EXD3: variants seen among roughly 807,000 people sequenced by gnomAD.
The protein encoded by EXD3 is exonuclease mut-7 homolog.
Under a neutral mutation model 98.0 loss-of-function variants are expected in EXD3, and 92 were observed. That is an observed-to-expected ratio of 0.94 (90% CI 0.79 to 1.12). The LOEUF is 1.12. Ranked by LOEUF, EXD3 falls within the 50% of genes most tolerant of loss-of-function variation. The pLI is 0.00. For synonymous variants in EXD3, 569 were observed against 526.0 expected (o/e 1.08, Z -1.12); for missense variants, 1,222 against 1,191.6 (o/e 1.03, Z -0.38).
At chr9:137,308,881 G>C (rs983122806) in intron 20 of EXD3, among the ~76,000 whole-genome samples, 3 of 152,110 alleles carry the variant, frequency 2.0e-5, no homozygotes, top group Non-Finnish European at 4.4e-5. Context: ...TCCTGATCTT[G>C]TGATCTGCCC....
rs931839451 is a variant in EXD3 at position 137,405,213 on chromosome 9, G to A, written c.-47-9809C>T. Reference sequence around the variant, plus strand: ...TCCCACCCTTGGACCTCCTAACTGCGCTGGGGTCCGGCACAGTGGGCTCTG... The same window carrying A: ...TCCCACCCTTGGACCTCCTAACTGCACTGGGGTCCGGCACAGTGGGCTCTG... On this transcript the variant is annotated intron_variant, in intron 1 of 21. Coordinates refer to ENST00000340951, the MANE Select transcript of EXD3 (RefSeq NM_017820.5). This position sits in a 1 kb window ranked among gnomAD's most constrained non-coding sequence, Gnocchi z 4.1. Among the ~76,000 whole-genome samples the A allele has an allele frequency of 2.0e-5, 3 of 152,216 alleles. No individual in the cohort carries two copies. The highest frequency in any genetic ancestry group is 4.8e-5 in the African/African-American group (2 of 41,448).
intron 17 of EXD3, among the ~76,000 whole-genome samples, chr9:137,341,007 C>T (rs143014210): frequency 2.2e-4 from 33 of 152,308 alleles, no homozygotes; most frequent in African/African-American, 7.2e-4. Context: ...ATTAAGACAT[C>T]GTGGCATCAC....
At chr9:137,338,754 G>A (rs1019721966) in intron 17 of EXD3, among the ~76,000 whole-genome samples, 81 of 151,090 alleles carry the variant, frequency 5.4e-4, no homozygotes, top group African/African-American at 2.0e-3. Flanking sequence ...AAAGCTGGGA[G>A]TGGTGGCGGG....
At chr9:137,353,410 T>A (rs1014744235) in intron 10 of EXD3, 71 of 985,174 alleles carry the variant, frequency 7.2e-5, no homozygotes, top group Non-Finnish European at 8.0e-5. Flanking sequence ...CTCCTCCTCT[T>A]GCCAGGGGAG....
rs1835603117 is a variant in EXD3, at chr9:137,371,523, C to G, written c.462+1382G>C. ...ACCCAGGGTGCCATCGGGACGGCGT[C>G]TCAGCAGCAGGGTCCCACGTGGGCA... is the stretch of plus-strand genomic sequence containing the variant. On this transcript the variant is annotated intron_variant, in intron 5 of 21. Coordinates refer to ENST00000340951, the MANE Select transcript of EXD3 (RefSeq NM_017820.5). The surrounding 1 kb of genome is among the most constrained non-coding windows in gnomAD (Gnocchi z 8.0). Among the ~76,000 whole-genome samples, 5 of 152,118 alleles carry G rather than the reference C, an allele frequency of 3.3e-5. No homozygotes were observed.
chr9:137,422,401 C>G lies in EXD3; in HGVS notation c.-48+713G>C, dbSNP rs535265622. On this transcript the variant is annotated intron_variant, in intron 1 of 21. Transcript: ENST00000340951. ...ATGAAACCGCAGCCCCTCACTACCC[C>G]TCGAGCCAAGTAACTATCCACTGAT... Among the ~76,000 whole-genome samples, 3 of 152,246 alleles carry G rather than the reference C, an allele frequency of 2.0e-5. No individual in the cohort carries two copies. The South Asian group carries it at 6.2e-4, about 32-fold the overall frequency.
chr9:137,334,891 C>G (rs1225389548), intron 17 of EXD3, among the ~76,000 whole-genome samples: 1 of 151,990 alleles, frequency 6.6e-6, no homozygotes, highest in African/African-American at 2.4e-5. Flanking sequence ...TCCTGGCTAA[C>G]ACAGTGAAAC....
At chr9:137,411,174 C>A (rs745627583) in intron 1 of EXD3, among the ~76,000 whole-genome samples, 3 of 152,024 alleles carry the variant, frequency 2.0e-5, no homozygotes, top group Non-Finnish European at 4.4e-5. Flanking sequence ...CAGGCCTGGC[C>A]GTGAGATGGA....
At chr9:137,356,438 T>C (rs754571642) in intron 7 of EXD3, 70 bp from the exon 8 acceptor site, 59 of 1,060,240 alleles carry the variant, frequency 5.6e-5, no homozygotes, top group Non-Finnish European at 6.6e-5. Context: ...TTCATTTTCA[T>C]CATAGTCATA....
At chr9:137,374,166 G>A (rs1251977723) in intron 3 of EXD3, among the ~76,000 whole-genome samples, 1 of 152,272 alleles carries the variant, frequency 6.6e-6, no homozygotes, top group Non-Finnish European at 1.5e-5. Context: ...GTCCTCTGTG[G>A]ATTCCTGCAA....
At chr9:137,419,086 C>G (rs891454232) in intron 1 of EXD3, among the ~76,000 whole-genome samples, 34 of 151,590 alleles carry the variant, frequency 2.2e-4, no homozygotes, top group Non-Finnish European at 4.4e-5. Context: ...GGGAGATGTA[C>G]GAGGCTTATG....
At chr9:137,376,705 G>A (rs1442243349) in intron 3 of EXD3, among the ~76,000 whole-genome samples, 7 of 152,068 alleles carry the variant, frequency 4.6e-5, no homozygotes, top group African/African-American at 7.2e-5. Context: ...CAAGGTGGGC[G>A]GATCAACTGA....
intron 19 of EXD3, among the ~76,000 whole-genome samples, chr9:137,312,723 G>C (rs1831432031): frequency 6.6e-6 from 1 of 152,184 alleles, no homozygotes; most frequent in Non-Finnish European, 1.5e-5. Flanking sequence ...GCAGCTAGGA[G>C]GGCTCGAGGG....
chr9:137,411,947 G>A (rs753151487), intron 1 of EXD3, among the ~76,000 whole-genome samples: 2 of 152,202 alleles, frequency 1.3e-5, no homozygotes, highest in African/African-American at 2.4e-5. Flanking sequence ...GGTGGGCCTT[G>A]TGCCGCCAGC....
chr9:137,379,155 C>T (rs181891918), intron 3 of EXD3, among the ~76,000 whole-genome samples: 3 of 97,670 alleles, frequency 3.1e-5, no homozygotes, highest in Admixed American at 1.2e-4. Context: ...TTGTGGGTGA[C>T]GGTGACCGTT....
chr9:137,370,616 A>G (rs1835539954), intron 5 of EXD3, among the ~76,000 whole-genome samples: 1 of 150,972 alleles, frequency 6.6e-6, no homozygotes, highest in Admixed American at 6.6e-5. Context: ...AAAAAAAAAA[A>G]AAAAGAAAAT....
At chr9:137,334,397 G>A (rs1833250892) in intron 17 of EXD3, among the ~76,000 whole-genome samples, 1 of 152,164 alleles carries the variant, frequency 6.6e-6, no homozygotes, top group Admixed American at 6.5e-5. Flanking sequence ...ATAGACCAAT[G>A]GGATGGAATA....
chr9:137,312,616 G>A (rs1053043222), intron 19 of EXD3, among the ~76,000 whole-genome samples: 2 of 152,192 alleles, frequency 1.3e-5, no homozygotes, highest in African/African-American at 4.8e-5. Context: ...AAGGAGGAGT[G>A]AGGGAAAGAG....
chr9:137,414,550 C>T (rs753625378), intron 1 of EXD3, among the ~76,000 whole-genome samples: 5 of 152,068 alleles, frequency 3.3e-5, no homozygotes, highest in African/African-American at 4.8e-5. Context: ...CCACAGTGGA[C>T]GTGCCATTTT....
Sources: allele counts gnomAD v4.1 joint callset (sites outside exome capture counted in the v4.1 genomes callset), GRCh38; gene constraint gnomAD v4.1.1; non-coding constraint Gnocchi (gnomAD v3.1); transcripts MANE v1.5; gene names NCBI Gene and HGNC (gene_info 2026-07-23, HGNC 2026-07-21).